CNTLN: variants seen among roughly 807,000 people sequenced by gnomAD.
CNTLN encodes centlein.
In CNTLN, 212 loss-of-function variants were observed where a neutral mutation model predicts 180.0. The observed-to-expected ratio is 1.18, with a 90% CI of 1.05 to 1.32. The LOEUF is 1.32. CNTLN is among the 40% of genes most tolerant of loss of function. CNTLN has a pLI of 0.00. For synonymous variants in CNTLN, 722 were observed against 563.1 expected, an observed-to-expected ratio of 1.28 and a Z score of -3.99; for missense variants, 2,095 against 1,610.9, an observed-to-expected ratio of 1.30 and a Z score of -5.14.
intron 8 of CNTLN, among the ~76,000 whole-genome samples, chr9:17,318,137 C>T (rs1477906221): frequency 6.6e-6 from 1 of 151,640 alleles, no homozygotes; most frequent in Non-Finnish European, 1.5e-5. Context: ...ACGCTATTCT[C>T]CTGCCTCAGC....
At chr9:17,518,987 G>A in the CNTLN span, among the ~76,000 whole-genome samples, 1 of 151,878 alleles carries the variant, frequency 6.6e-6, no homozygotes, top group Non-Finnish European at 1.5e-5. Flanking sequence ...ACAGTGGTAC[G>A]ATCATGGCTC....
chr9:17,406,636 C>A (rs968157908), intron 15 of CNTLN, among the ~76,000 whole-genome samples: 2 of 151,746 alleles, frequency 1.3e-5, no homozygotes, highest in Non-Finnish European at 2.9e-5. Context: ...TAATTTATAA[C>A]ATACTATATC....
At chr9:17,269,692 G>A (rs1340294370) in intron 5 of CNTLN, among the ~76,000 whole-genome samples, 3 of 152,124 alleles carry the variant, frequency 2.0e-5, no homozygotes, top group Non-Finnish European at 4.4e-5. Context: ...CTGTCATGGA[G>A]AATGTTTCAT....
intron 12 of CNTLN, among the ~76,000 whole-genome samples, chr9:17,345,295 T>A (rs1209853092): frequency 6.6e-6 from 1 of 152,162 alleles, no homozygotes; most frequent in African/African-American, 2.4e-5. Flanking sequence ...GTTTTTAATT[T>A]TTATGAAATC....
chr9:17,462,281 G>A (rs1831500656), intron 19 of CNTLN, among the ~76,000 whole-genome samples: 1 of 151,632 alleles, frequency 6.6e-6, no homozygotes, highest in African/African-American at 2.4e-5. Context: ...CGGACAATTG[G>A]TCTACTACCT....
At chr9:17,192,911 G>A (rs1158531232) in intron 2 of CNTLN, among the ~76,000 whole-genome samples, 1 of 152,138 alleles carries the variant, frequency 6.6e-6, no homozygotes, top group African/African-American at 2.4e-5. Context: ...CAGTTCAGTT[G>A]GACTTACAGT....
chr9:17,244,603 C>T (rs6475122), intron 5 of CNTLN, among the ~76,000 whole-genome samples: 32,054 of 151,824 alleles, frequency 0.21, 4,369 homozygotes, highest in African/African-American at 0.38. Flanking sequence ...GTTTACCTTC[C>T]GCATTATTAG....
intron 5 of CNTLN, among the ~76,000 whole-genome samples, chr9:17,271,733 C>T (rs1015845866): frequency 3.3e-5 from 5 of 152,130 alleles, no homozygotes; most frequent in African/African-American, 1.2e-4. Context: ...CACTTATCAA[C>T]AGGTCCTGTC....
At chr9:17,466,254 ATC>A (rs1831741294) in intron 22 of CNTLN, 136 bp downstream of exon 22, 1 of 676,230 alleles carries the variant, frequency 1.5e-6, no homozygotes, top group Non-Finnish European at 2.5e-6. Context: ...GAGGATTTGT[ATC>A]TCTACATGAA....
At chr9:17,152,275 C>G (rs563227743) in intron 2 of CNTLN, among the ~76,000 whole-genome samples, 1 of 152,220 alleles carries the variant, frequency 6.6e-6, no homozygotes, top group East Asian at 1.9e-4. Flanking sequence ...TTAGATCTTT[C>G]CTGCTTTGTC....
intron 16 of CNTLN, among the ~76,000 whole-genome samples, chr9:17,410,373 A>G (rs1445314150): frequency 1.3e-5 from 2 of 152,060 alleles, no homozygotes; most frequent in East Asian, 1.9e-4. Flanking sequence ...GTCTCTGCCC[A>G]TTTTCCAAAT....
chr9:17,528,089 T>C, the CNTLN span, among the ~76,000 whole-genome samples: 1 of 151,950 alleles, frequency 6.6e-6, no homozygotes, highest in South Asian at 2.1e-4. Context: ...AGAAGAAACA[T>C]AGATATGTTT....
chr9:17,340,951 G>A lies in CNTLN; in HGVS notation c.1766+3G>A, dbSNP rs774239088. 1.1e-5 allele frequency: 17 copies of A among 1,604,774 alleles called. 1 individual carries two copies. In the South Asian group the frequency reaches 1.2e-4, roughly 12 times the overall value. The stretch of plus-strand genomic sequence containing the variant: ...CAGTGGGAAGAAGGCAGTGGCATGT[G>A]AGTTACATAGCTCATAAAGGCATTT... On this transcript the variant is annotated splice_donor_region_variant and intron_variant, in intron 11 of 25. Coordinates refer to ENST00000380647, the MANE Select transcript of CNTLN (RefSeq NM_017738.4).
chr9:17,293,234 T>A (rs531282140), intron 6 of CNTLN, among the ~76,000 whole-genome samples: 95 of 152,194 alleles, frequency 6.2e-4, no homozygotes, highest in Non-Finnish European at 9.7e-4. Context: ...CCTGTTGGGG[T>A]CTCACCCAGT....
chr9:17,362,727 A>G (rs146336530), intron 12 of CNTLN, among the ~76,000 whole-genome samples: 25 of 151,534 alleles, frequency 1.6e-4, no homozygotes, highest in African/African-American at 5.8e-4. Flanking sequence ...TGCACGTTTT[A>G]TTTTCTTATG....
chr9:17,273,680 T>A (rs1828098698), intron 5 of CNTLN, 53 bp from the exon 6 acceptor site: 2 of 902,014 alleles, frequency 2.2e-6, no homozygotes, highest in Admixed American at 3.0e-5. Context: ...AGATGTTTTG[T>A]TACATGTAGT....
At chr9:17,407,560 G>A (rs755116753) in intron 15 of CNTLN, among the ~76,000 whole-genome samples, 1 of 152,112 alleles carries the variant, frequency 6.6e-6, no homozygotes, top group Non-Finnish European at 1.5e-5. Flanking sequence ...TAGTTTATTT[G>A]GCTATAAAAT....
At chr9:17,201,040 A>AAT (rs1332879111) in intron 2 of CNTLN, among the ~76,000 whole-genome samples, 59 of 152,154 alleles carry the variant, frequency 3.9e-4, no homozygotes, top group Non-Finnish European at 7.6e-4. Context: ...TTTTAACATG[A>AAT]AGGGATGTTG....
intron 5 of CNTLN, among the ~76,000 whole-genome samples, chr9:17,270,610 G>A (rs1827861800): frequency 6.6e-6 from 1 of 152,056 alleles, no homozygotes; most frequent in Admixed American, 6.5e-5. Context: ...TTCATAAAAT[G>A]AGTTGAGAAC....
Sources: gnomAD v4.1 joint callset for allele counts (sites outside exome capture counted in the v4.1 genomes callset) on GRCh38, gnomAD v4.1.1 for gene constraint, MANE v1.5 for transcripts, NCBI Gene and HGNC (gene_info 2026-07-23, HGNC 2026-07-21) for gene names.